The following CNBD1 variants were observed in gnomAD, a reference collection of about 807,000 sequenced individuals.
CNBD1 encodes the protein cyclic nucleotide-binding domain-containing protein 1.
Under a neutral mutation model 54.4 loss-of-function variants are expected in CNBD1, and 71 were observed. The ratio of observed to expected loss-of-function variants is 1.30; its 90% CI spans 1.08 to 1.59. The LOEUF (loss-of-function observed/expected upper bound fraction) is 1.59. Ranked by LOEUF, CNBD1 falls within the 40% of genes most tolerant of loss-of-function variation. The probability of loss-of-function intolerance (pLI) is 0.00; values close to 1 mark genes in which losing one functional copy is unlikely to be tolerated. For synonymous variants in CNBD1, 182 were observed against 170.7 expected (o/e 1.07, Z -0.51); for missense variants, 659 against 518.0 (o/e 1.27, Z -2.64).
At chr8:86,898,272 A>G (rs1402300572) in intron 2 of CNBD1, among the ~76,000 whole-genome samples, 1 of 152,196 alleles carries the variant, frequency 6.6e-6, no homozygotes, top group Non-Finnish European at 1.5e-5. Context: ...GAGGGTGGTG[A>G]AAAAGTTCAA....
intron 6 of CNBD1, among the ~76,000 whole-genome samples, chr8:87,250,169 G>C (rs917154121): frequency 8.5e-5 from 13 of 152,254 alleles, no homozygotes; most frequent in Non-Finnish European, 1.5e-4. Flanking sequence ...CAAAGGATCT[G>C]AATAGCCATT....
At position 87,159,541 on chromosome 8, in the gene CNBD1, A is replaced by C. The variant is rs185842517; in HGVS notation, c.432-46452A>C. ...TGGGAGGGGAAGCTTTTGCACTTAG[A>C]TGACTTTCTTCACTTTTGGGGCATG... On this transcript the variant is annotated intron_variant, in intron 4 of 10. Transcript: ENST00000518476. Among the ~76,000 whole-genome samples the C allele has an allele frequency of 1.2e-4, 18 of 152,188 alleles. No individual in the cohort carries two copies. The East Asian group carries it at 3.5e-3, about 29-fold the overall frequency.
intron 4 of CNBD1, among the ~76,000 whole-genome samples, chr8:87,028,556 A>C (rs1319810295): frequency 6.6e-6 from 1 of 152,218 alleles, no homozygotes; most frequent in Non-Finnish European, 1.5e-5. Flanking sequence ...AGAAGAAAGG[A>C]GAACAGTCTC....
chr8:87,324,049 T>C (rs1809605075), intron 8 of CNBD1, among the ~76,000 whole-genome samples: 1 of 126,026 alleles, frequency 7.9e-6, no homozygotes, highest in Non-Finnish European at 1.8e-5. Flanking sequence ...TTTCTGCATC[T>C]ATTGAGATAA....
In CNBD1 at chr8:87,394,797, G is replaced by A. The variant is rs56766859; in HGVS notation, c.214-33749G>A. On this transcript the variant is annotated intron_variant, in intron 2 of 7. Transcript: ENST00000521593. Reference sequence around the variant, plus strand: ...ATCTGTTTGGTTAAGTTTTATAAATGTTTAAATTTTATGGCTCTTTTTCTG... The same window carrying A: ...ATCTGTTTGGTTAAGTTTTATAAATATTTAAATTTTATGGCTCTTTTTCTG... Among the ~76,000 whole-genome samples, 1,099 of 151,920 alleles carry A rather than the reference G, an allele frequency of 7.2e-3. 12 individuals carry two copies. The highest frequency in any genetic ancestry group is 0.025 in the African/African-American group (1,032 of 41,510).
intron 8 of CNBD1, among the ~76,000 whole-genome samples, chr8:87,292,295 G>A (rs1808802793): frequency 6.6e-6 from 1 of 152,170 alleles, no homozygotes; most frequent in Admixed American, 6.5e-5. Flanking sequence ...GATTTAAGGT[G>A]AGGTTAAATA....
At chr8:86,981,829 T>C (rs1808495207) in intron 4 of CNBD1, among the ~76,000 whole-genome samples, 2 of 152,238 alleles carry the variant, frequency 1.3e-5, no homozygotes, top group South Asian at 2.1e-4. Context: ...GAACTGTTTC[T>C]AGTATCTGAC....
At chr8:87,029,743 A>G (rs931048820) in intron 4 of CNBD1, among the ~76,000 whole-genome samples, 1 of 151,984 alleles carries the variant, frequency 6.6e-6, no homozygotes, top group African/African-American at 2.4e-5. Flanking sequence ...ACTGGGAGAA[A>G]AGATATTTAT....
intron 4 of CNBD1, among the ~76,000 whole-genome samples, chr8:86,987,633 T>C (rs1456258500): frequency 6.6e-6 from 1 of 152,216 alleles, no homozygotes; most frequent in African/African-American, 2.4e-5. Flanking sequence ...ATGTTGGCTG[T>C]GGGTTTGTCA....
Position 87,320,439 on chromosome 8 carries a change from G to A in CNBD1, c.1043-31246G>A, listed in dbSNP as rs1317005664. Among the ~76,000 whole-genome samples the A allele has an allele frequency of 2.6e-5, 4 of 151,960 alleles. No individual in the cohort carries two copies. The East Asian group carries it at 7.7e-4, about 29-fold the overall frequency. On this transcript the variant is annotated intron_variant, in intron 8 of 10. Coordinates refer to ENST00000518476, the MANE Select transcript of CNBD1 (RefSeq NM_173538.3). The stretch of plus-strand genomic sequence containing the variant: ...AACATTACTGAGACTATCTTCAATG[G>A]TTTCTGCAAACACATTATATGTGAT...
chr8:87,092,344 A>AGTGTGT (rs113453662), intron 4 of CNBD1, among the ~76,000 whole-genome samples: 17 of 143,118 alleles, frequency 1.2e-4, no homozygotes, highest in East Asian at 4.0e-4. Flanking sequence ...ATACTGGCTC[A>AGTGTGT]GTGTGTGTGT....
At chr8:87,223,185 A>G (rs371751632) in intron 5 of CNBD1, among the ~76,000 whole-genome samples, 1 of 123,886 alleles carries the variant, frequency 8.1e-6, no homozygotes, top group African/African-American at 3.0e-5. Flanking sequence ...TCCTCCCTTT[A>G]CCTCCCCACC....
In CNBD1 at chr8:87,395,849, G is replaced by A. The variant is rs552454254; in HGVS notation, c.214-32697G>A. Reference sequence around the variant, plus strand: ...GGTTACCTGGATTCATACTGTCAGCGTTATAGTGAGTGAGTTCTCACAGGA... The same window carrying A: ...GGTTACCTGGATTCATACTGTCAGCATTATAGTGAGTGAGTTCTCACAGGA... On this transcript the variant is annotated intron_variant, in intron 2 of 7. Coordinates refer to the CNBD1 transcript ENST00000521593. 7.9e-5 allele frequency among the ~76,000 whole-genome samples: 12 copies of A among 151,944 alleles called. No homozygotes were observed. In the East Asian group the frequency reaches 1.6e-3, roughly 20 times the overall value.
At chr8:87,186,067 C>G (rs1380991827) in intron 4 of CNBD1, among the ~76,000 whole-genome samples, 1 of 152,002 alleles carries the variant, frequency 6.6e-6, no homozygotes, top group Non-Finnish European at 1.5e-5. Context: ...TATGTTGTCT[C>G]TTTTTTAGAT....
chr8:87,170,323 GATT>G (rs1242814319), intron 4 of CNBD1, among the ~76,000 whole-genome samples: 29 of 152,034 alleles, frequency 1.9e-4, no homozygotes, highest in Non-Finnish European at 3.5e-4. Flanking sequence ...CTTTATATAA[GATT>G]ATATATATTC....
chr8:86,889,217 A>G (rs755239332), intron 2 of CNBD1, among the ~76,000 whole-genome samples: 10 of 152,284 alleles, frequency 6.6e-5, no homozygotes, highest in Middle Eastern at 3.4e-3. Flanking sequence ...ATATATAGTT[A>G]CAAATACAAA....
chr8:87,191,310 A>T (rs1361744653), intron 4 of CNBD1, among the ~76,000 whole-genome samples: 1 of 152,134 alleles, frequency 6.6e-6, no homozygotes, highest in Non-Finnish European at 1.5e-5. Flanking sequence ...GAACTAGGGG[A>T]ATCAGCAAGC....
chr8:87,420,624 C>A (rs1041837581), intron 2 of CNBD1, among the ~76,000 whole-genome samples: 3 of 152,038 alleles, frequency 2.0e-5, no homozygotes, highest in Non-Finnish European at 4.4e-5. Flanking sequence ...ATAAAATCTA[C>A]CTACTTAACG....
intron 8 of CNBD1, among the ~76,000 whole-genome samples, chr8:87,305,345 C>G (rs1000868769): frequency 2.0e-5 from 3 of 151,964 alleles, no homozygotes; most frequent in African/African-American, 7.2e-5. Flanking sequence ...AAACAATCTA[C>G]AAATCAATGC....
Sources: gnomAD v4.1 joint callset for allele counts (sites outside exome capture counted in the v4.1 genomes callset) on GRCh38, gnomAD v4.1.1 for gene constraint, MANE v1.5 for transcripts, NCBI Gene and HGNC (gene_info 2026-07-23, HGNC 2026-07-21) for gene names.